SLC22A14: variants seen among roughly 807,000 people sequenced by gnomAD.
SLC22A14 encodes organic cation transporter-like 4.
In SLC22A14, 50 loss-of-function variants were observed where a neutral mutation model predicts 53.9. That is an observed-to-expected ratio of 0.93 (90% CI 0.74 to 1.17). SLC22A14 has a LOEUF of 1.17. Among genes scored for constraint, SLC22A14 ranks in the 50% most tolerant of loss-of-function variants. The probability of loss-of-function intolerance (pLI) is 0.00; values close to 1 mark genes in which losing one functional copy is unlikely to be tolerated. For missense variants in SLC22A14, 671 were observed against 734.7 expected (o/e 0.91, Z 1.00); for synonymous variants, 312 against 303.0 (o/e 1.03, Z -0.31).
intron 1 of SLC22A14, among the ~76,000 whole-genome samples, chr3:38,299,223 C>A (rs1704107916): frequency 6.6e-6 from 1 of 152,078 alleles, no homozygotes; most frequent in South Asian, 2.1e-4. Flanking sequence ...GTATGTGAAA[C>A]CTTACTAAGG....
In SLC22A14 at chr3:38,313,485, G is replaced by A; in HGVS notation, c.1163G>A (p.Trp388Ter). The A allele has an allele frequency of 6.2e-7, 1 of 1,604,040 alleles. No homozygotes were observed. Among genetic ancestry groups the A allele is most frequent in the Non-Finnish European group, 8.5e-7 (1 of 1,170,814 alleles). The stretch of plus-strand genomic sequence containing the variant: ...GTGACCTTGGTGATGAGCTGTGTGT[G>A]GTGAGTATCCAGGGCTCGCTGGCAG... ...CKVTLVMSCV[W>*]FTVSYTYFTL... The change falls in exon 7 of 11, where the codon TGG becomes TAG. Residue 388 changes from tryptophan (W) to a stop codon, truncating the protein, a stop_gained and splice_region_variant. Coordinates refer to ENST00000448498, the MANE Select transcript of SLC22A14 (RefSeq NM_001320033.2). LOFTEE classifies it high-confidence loss of function.
chr3:38,307,271 C>T lies in SLC22A14; in HGVS notation c.534C>T (p.Gly178=). 1 of 1,613,732 alleles carries T rather than the reference C, an allele frequency of 6.2e-7. No individual in the cohort carries two copies. The highest frequency in any genetic ancestry group is 8.5e-7 in the Non-Finnish European group (1 of 1,179,592). The change falls in exon 3 of 11, where the codon GGC becomes GGT. Residue 178 remains glycine (G), a synonymous_variant. Transcript: ENST00000448498. The surrounding 1 kb of genome is among the most constrained non-coding windows in gnomAD (Gnocchi z 4.4). The part of the protein sequence containing the change: ...SLINEFDLVC[G]METKKDTAQI... ...ACCCACAGTTTGACTTGGTATGTGGCATGGAGACGAAGAAGGACACTGCAC... is the reference window on the plus strand; with the variant it reads ...ACCCACAGTTTGACTTGGTATGTGGTATGGAGACGAAGAAGGACACTGCAC...
At chr3:38,289,180 CA>C (rs1173451784) in intron 1 of SLC22A14, among the ~76,000 whole-genome samples, 2,044 of 52,896 alleles carry the variant, frequency 0.039, 5 homozygotes, top group African/African-American at 0.072. Flanking sequence ...TCTATCTCTA[CA>C]AAAAAAAAAA....
chr3:38,297,228 G>A (rs1486685643), intron 1 of SLC22A14, among the ~76,000 whole-genome samples: 1 of 152,192 alleles, frequency 6.6e-6, no homozygotes, highest in African/African-American at 2.4e-5. Flanking sequence ...TATGAGCTAA[G>A]TTGCAAGCCC....
chr3:38,287,794 C>A (rs548916546), intron 1 of SLC22A14, among the ~76,000 whole-genome samples: 1 of 152,274 alleles, frequency 6.6e-6, no homozygotes, highest in South Asian at 2.1e-4. Context: ...ATCTACAGAT[C>A]AATATGGAGA....
At chr3:38,281,307 ATTTT>A (rs1020383304), upstream of SLC22A14, among the ~76,000 whole-genome samples, 1 of 151,590 alleles carries the variant, frequency 6.6e-6, no homozygotes, top group African/African-American at 2.4e-5. Context: ...AATTCTTTTA[ATTTT>A]TTTTTGTGTC....
chr3:38,293,546 C>T (rs1454446179), intron 1 of SLC22A14, among the ~76,000 whole-genome samples: 1 of 152,220 alleles, frequency 6.6e-6, no homozygotes, highest in African/African-American at 2.4e-5. Context: ...GATTAGTTGG[C>T]CTTCAATAGA....
rs1412926640 is a variant in SLC22A14 at position 38,307,896 on chromosome 3, C to T, written c.775+176C>T. The T allele has an allele frequency of 3.0e-6, 2 of 660,884 alleles. No individual in the cohort carries two copies. Among genetic ancestry groups the T allele is most frequent in the Non-Finnish European group, 5.2e-6 (2 of 386,206 alleles). The allele number at this position is 660,884 out of a possible 1,614,324, so 40.9% of individuals were successfully genotyped here. ...TGGCAGCGTGGGCATCTGCTGGGAT[C>T]CCACAGGACACAGAGTCAGGGGCCT... On this transcript the variant is annotated intron_variant, in intron 4 of 10. Transcript: ENST00000448498. The surrounding 1 kb of genome is among the most constrained non-coding windows in gnomAD (Gnocchi z 4.4).
chr3:38,293,356 AGTG>A (rs1160573125), intron 1 of SLC22A14, among the ~76,000 whole-genome samples: 3 of 152,132 alleles, frequency 2.0e-5, no homozygotes, highest in Non-Finnish European at 4.4e-5. Context: ...CCATGACTAA[AGTG>A]GTGGCCTTTT....
intron 1 of SLC22A14, among the ~76,000 whole-genome samples, chr3:38,293,404 C>T (rs890427657): frequency 2.0e-5 from 3 of 152,164 alleles, no homozygotes; most frequent in Non-Finnish European, 2.9e-5. Flanking sequence ...CCTGCTTCTC[C>T]TGATCTCTAT....
intron 1 of SLC22A14, chr3:38,305,762 A>G (rs1033169405): frequency 2.1e-6 from 1 of 479,634 alleles, no homozygotes; most frequent in East Asian, 3.5e-5. Context: ...GTTCCTAAGA[A>G]CTTAGTCCTT....
chr3:38,292,909 T>C (rs992493912), intron 1 of SLC22A14, among the ~76,000 whole-genome samples: 1 of 152,168 alleles, frequency 6.6e-6, no homozygotes, highest in Non-Finnish European at 1.5e-5. Flanking sequence ...GGGAGAAGTA[T>C]CTAGTGACTG....
intron 1 of SLC22A14, among the ~76,000 whole-genome samples, chr3:38,289,617 T>C (rs1400679379): frequency 2.6e-5 from 4 of 152,178 alleles, no homozygotes; most frequent in Non-Finnish European, 5.9e-5. Context: ...ACCCAGCTAC[T>C]AGTGTTCAGC....
chr3:38,300,520 A>C (rs890914908), intron 1 of SLC22A14, among the ~76,000 whole-genome samples: 2 of 152,220 alleles, frequency 1.3e-5, no homozygotes, highest in African/African-American at 4.8e-5. Flanking sequence ...GGGAAAAGGC[A>C]CATTGGGTGG....
At chr3:38,314,476 T>C (rs1704569302) in intron 8 of SLC22A14, among the ~76,000 whole-genome samples, 1 of 152,234 alleles carries the variant, frequency 6.6e-6, no homozygotes, top group African/African-American at 2.4e-5. Flanking sequence ...TCCTGCTGGC[T>C]TAGCACTAGA....
At chr3:38,304,981 C>A (rs1190776050) in intron 1 of SLC22A14, among the ~76,000 whole-genome samples, 1 of 152,140 alleles carries the variant, frequency 6.6e-6, no homozygotes, top group African/African-American at 2.4e-5. Flanking sequence ...TTCTTTGTGT[C>A]AAATTTGTTT....
upstream of SLC22A14, among the ~76,000 whole-genome samples, chr3:38,282,024 G>T (rs1703679684): frequency 6.6e-6 from 1 of 152,218 alleles, no homozygotes; most frequent in Non-Finnish European, 1.5e-5. Context: ...GTGGGCTCAG[G>T]AAGGCTTGAA....
intron 1 of SLC22A14, among the ~76,000 whole-genome samples, chr3:38,289,202 A>T (rs1311792445): frequency 6.6e-6 from 1 of 151,120 alleles, no homozygotes; most frequent in African/African-American, 2.4e-5. Context: ...AAAAAAAAAA[A>T]AAATTGCAAA....
At chr3:38,295,069 G>A (rs1703997613) in intron 1 of SLC22A14, among the ~76,000 whole-genome samples, 1 of 152,146 alleles carries the variant, frequency 6.6e-6, no homozygotes, top group African/African-American at 2.4e-5. Context: ...TTCCACAAGA[G>A]TCTCCTTATC....
Sources: allele counts gnomAD v4.1 joint callset (sites outside exome capture counted in the v4.1 genomes callset), GRCh38; gene constraint gnomAD v4.1.1; non-coding constraint Gnocchi (gnomAD v3.1); transcripts MANE v1.5; gene names NCBI Gene and HGNC (gene_info 2026-07-23, HGNC 2026-07-21).